TRAPPC9: variants seen among roughly 807,000 people sequenced by gnomAD.
The protein encoded by TRAPPC9 is trafficking protein particle complex subunit 9.
TRAPPC9 carries 83 observed loss-of-function variants against 124.0 expected under a neutral mutation model. The observed-to-expected ratio is 0.67, with a 90% CI of 0.56 to 0.80. The LOEUF is 0.80. TRAPPC9 is among the 30% of genes least tolerant of loss of function. The pLI is 0.00. For synonymous variants in TRAPPC9, 638 were observed against 617.5 expected (o/e 1.03, Z -0.49); for missense variants, 1,302 against 1,508.3 (o/e 0.86, Z 2.27).
rs115048778 is a variant in TRAPPC9, at chr8:140,113,971, T to C, written c.2557-89892A>G. Among the ~76,000 whole-genome samples the C allele has an allele frequency of 6.8e-3, 1,032 of 152,334 alleles. 8 individuals are homozygous for C. Among genetic ancestry groups the C allele is most frequent in the African/African-American group, 0.023 (950 of 41,574 alleles). On this transcript the variant is annotated intron_variant, in intron 17 of 22. Coordinates refer to ENST00000438773, the MANE Select transcript of TRAPPC9 (RefSeq NM_001160372.4). ...GCTCATCTGCGGAACTTCTGGCTCA[T>C]TTATGTAAGAGCTGCCTCGAAGTCT...
At chr8:139,774,603 G>C (rs935508536) in intron 21 of TRAPPC9, among the ~76,000 whole-genome samples, 3 of 152,208 alleles carry the variant, frequency 2.0e-5, no homozygotes, top group African/African-American at 7.2e-5. Flanking sequence ...CCTTAGCACA[G>C]TGCGATGTTT....
chr8:139,976,176 C>A (rs1265225976), intron 19 of TRAPPC9, among the ~76,000 whole-genome samples: 1 of 152,026 alleles, frequency 6.6e-6, no homozygotes, highest in Non-Finnish European at 1.5e-5. Context: ...CAGGCGTGAG[C>A]CACCGCGCCT....
intron 9 of TRAPPC9, among the ~76,000 whole-genome samples, chr8:140,328,131 T>C (rs1408583908): frequency 6.6e-6 from 1 of 152,032 alleles, no homozygotes; most frequent in Non-Finnish European, 1.5e-5. Context: ...GGTGGGTGCC[T>C]ATAATCCCAA....
chr8:140,082,736 T>C (rs1843910723), intron 17 of TRAPPC9, among the ~76,000 whole-genome samples: 1 of 152,222 alleles, frequency 6.6e-6, no homozygotes, highest in Non-Finnish European at 1.5e-5. Flanking sequence ...CTCCTATTGT[T>C]AAACAAAATA....
At chr8:140,218,660 T>A (rs1416938585) in intron 17 of TRAPPC9, among the ~76,000 whole-genome samples, 2 of 151,898 alleles carry the variant, frequency 1.3e-5, no homozygotes, top group Non-Finnish European at 2.9e-5. Flanking sequence ...AGGGGTGTTG[T>A]CAAAAATAAC....
chr8:140,157,137 G>GAAGCCTCCCTTTCCATTCAA (rs2061660104), intron 17 of TRAPPC9, among the ~76,000 whole-genome samples: 1 of 54,764 alleles, frequency 1.8e-5, no homozygotes, highest in African/African-American at 7.5e-5. Context: ...TTTCCATTCA[G>GAAGCCTCCCTTTCCATTCAA]AAGCCTCCCT....
intron 19 of TRAPPC9, among the ~76,000 whole-genome samples, chr8:139,976,278 A>T (rs571032596): frequency 1.0e-3 from 159 of 152,306 alleles, no homozygotes; most frequent in Non-Finnish European, 1.7e-3. Flanking sequence ...GACACAAAAA[A>T]TTAGCTCAAA....
At chr8:140,055,266 A>C (rs1004671218) in intron 17 of TRAPPC9, among the ~76,000 whole-genome samples, 2 of 152,204 alleles carry the variant, frequency 1.3e-5, no homozygotes, top group Non-Finnish European at 2.9e-5. Context: ...AAAGGGCAAA[A>C]TCACAGGATC....
intron 19 of TRAPPC9, among the ~76,000 whole-genome samples, chr8:139,915,063 G>A (rs2131303310): frequency 6.6e-6 from 1 of 152,342 alleles, no homozygotes; most frequent in South Asian, 2.1e-4. Context: ...GGCCAGTGAG[G>A]AAACCCGCGC....
chr8:139,870,213 AG>A (rs1828812250), intron 21 of TRAPPC9, among the ~76,000 whole-genome samples: 1 of 152,352 alleles, frequency 6.6e-6, no homozygotes, highest in Admixed American at 6.5e-5. Flanking sequence ...GTGGCTTTTT[AG>A]AAAAACAAAG....
intron 10 of TRAPPC9, among the ~76,000 whole-genome samples, chr8:140,308,166 C>A (rs900756911): frequency 6.6e-6 from 1 of 151,980 alleles, no homozygotes; most frequent in Non-Finnish European, 1.5e-5. Flanking sequence ...ACCGGCCACA[C>A]ATTTGGCCCA....
At chr8:140,249,081 A>AG (rs1174248353) in intron 16 of TRAPPC9, among the ~76,000 whole-genome samples, 1 of 152,116 alleles carries the variant, frequency 6.6e-6, no homozygotes, top group Non-Finnish European at 1.5e-5. Context: ...TTGTTACATG[A>AG]GTATACTGTG....
At chr8:139,844,734 G>A (rs1367023420) in intron 21 of TRAPPC9, among the ~76,000 whole-genome samples, 1 of 152,210 alleles carries the variant, frequency 6.6e-6, no homozygotes, top group Non-Finnish European at 1.5e-5. Context: ...GGGGAAAATA[G>A]AATTGTTTTT....
At chr8:139,824,899 GGCTGGGCCC>G in intron 21 of TRAPPC9, among the ~76,000 whole-genome samples, 1 of 152,326 alleles carries the variant, frequency 6.6e-6, no homozygotes, top group South Asian at 2.1e-4. Flanking sequence ...GCTGTAAGGA[GGCTGGGCCC>G]GGTTGGGTGT....
At chr8:140,429,217 G>A (rs932721663) in intron 4 of TRAPPC9, among the ~76,000 whole-genome samples, 1 of 152,054 alleles carries the variant, frequency 6.6e-6, no homozygotes, top group African/African-American at 2.4e-5. Context: ...AAGTGGCTGG[G>A]ACTACAGGTG....
intron 19 of TRAPPC9, among the ~76,000 whole-genome samples, chr8:139,950,919 G>C (rs567725989): frequency 1.3e-5 from 2 of 152,166 alleles, no homozygotes; most frequent in Non-Finnish European, 2.9e-5. Context: ...GGAGGGAGCC[G>C]CACCCGCCTT....
In TRAPPC9 at chr8:140,216,100, A is replaced by G. The variant is rs1237366973; in HGVS notation, c.2556+5359T>C. 3 of 152,252 alleles carry G rather than the reference A, an allele frequency of 2.0e-5. No homozygotes were observed. Among genetic ancestry groups the G allele is most frequent in the African/African-American group, 7.2e-5 (3 of 41,466 alleles). 9.4% of individuals were successfully genotyped at this position (152,252 alleles called of 1,614,324 possible). A position where few individuals can be genotyped will look rare whatever the true frequency, so the allele number is the denominator to read the frequency against. On this transcript the variant is annotated intron_variant, in intron 17 of 22. Coordinates refer to ENST00000438773, the MANE Select transcript of TRAPPC9 (RefSeq NM_001160372.4). The surrounding 1 kb of genome is among the most constrained non-coding windows in gnomAD (Gnocchi z 4.1). Reference sequence around the variant, plus strand: ...GTCACAGTGTAACTGACAGAGACCAAAGTGGGTAACTTGGAGAGTGTGACA... The same window carrying G: ...GTCACAGTGTAACTGACAGAGACCAGAGTGGGTAACTTGGAGAGTGTGACA...
chr8:140,248,394 A>C (rs980058752), intron 16 of TRAPPC9, among the ~76,000 whole-genome samples: 1 of 152,142 alleles, frequency 6.6e-6, no homozygotes, highest in Non-Finnish European at 1.5e-5. Context: ...GCTGTTCTCA[A>C]CTTGGCCCAC....
chr8:140,238,110 C>G (rs763651404), intron 16 of TRAPPC9, among the ~76,000 whole-genome samples: 2 of 152,180 alleles, frequency 1.3e-5, no homozygotes, highest in East Asian at 3.9e-4. Flanking sequence ...TGAGTCACCG[C>G]CAGCCTGGGC....
Sources: allele counts gnomAD v4.1 joint callset (sites outside exome capture counted in the v4.1 genomes callset), GRCh38; gene constraint gnomAD v4.1.1; non-coding constraint Gnocchi (gnomAD v3.1); transcripts MANE v1.5; gene names NCBI Gene and HGNC (gene_info 2026-07-23, HGNC 2026-07-21).